PSMA3: variants seen among roughly 807,000 people sequenced by gnomAD.
PSMA3 encodes proteasome subunit alpha type-3.
PSMA3 carries 8 observed loss-of-function variants against 40.0 expected under a neutral mutation model. The ratio of observed to expected loss-of-function variants is 0.20; its 90% CI spans 0.12 to 0.36. The LOEUF (loss-of-function observed/expected upper bound fraction) is 0.36, where lower values mean the gene tolerates loss of function less well. PSMA3 is among the 10% of genes least tolerant of loss of function. The pLI, the probability that PSMA3 is intolerant of heterozygous loss-of-function variation, is 1.00. For synonymous variants in PSMA3, 110 were observed against 100.0 expected, an observed-to-expected ratio of 1.10 and a Z score of -0.59; for missense variants, 219 against 310.6, an observed-to-expected ratio of 0.70 and a Z score of 2.22.
chr14:58,245,013 A>C, intron 1 of PSMA3, 72 bp downstream of exon 1: 3 of 1,606,918 alleles, frequency 1.9e-6, no homozygotes, highest in Admixed American at 1.7e-5. Flanking sequence ...GACAGACCAC[A>C]TGGGGTTCGC....
intron 7 of PSMA3, chr14:58,266,026 C>G (rs1300642196): frequency 6.6e-6 from 1 of 152,152 alleles, no homozygotes; most frequent in African/African-American, 2.4e-5. Context: ...ATCAAACTGC[C>G]TAAGCAGTTT....
intron 3 of PSMA3, among the ~76,000 whole-genome samples, chr14:58,257,292 TCAAGACCGTC>T (rs1379716687): frequency 6.6e-6 from 1 of 151,646 alleles, no homozygotes; most frequent in African/African-American, 2.4e-5. Flanking sequence ...GGTCAGGAGA[TCAAGACCGTC>T]CTGGCTGACA....
intron 1 of PSMA3, among the ~76,000 whole-genome samples, chr14:58,245,775 T>C (rs1453639014): frequency 6.6e-6 from 1 of 152,160 alleles, no homozygotes; most frequent in East Asian, 1.9e-4. Flanking sequence ...GAATAATGAG[T>C]TTCTCAGTTC....
At chr14:58,252,566 CAAAGT>C (rs140782017) in intron 3 of PSMA3, among the ~76,000 whole-genome samples, 4,169 of 152,066 alleles carry the variant, frequency 0.027, 76 homozygotes, top group South Asian at 0.064. Context: ...GGATCACTGT[CAAAGT>C]AAAGATGCCA....
At chr14:58,267,415 G>A in intron 7 of PSMA3, 59 bp from the exon 8 acceptor site, 1 of 1,405,810 alleles carries the variant, frequency 7.1e-7, no homozygotes, top group Non-Finnish European at 9.3e-7. Context: ...AGTGAAAATA[G>A]TTATTACACA....
rs992436481 is a variant in PSMA3 at position 58,263,589 on chromosome 14, ACTTG to A, written c.478-112_478-109del. ...AATGTGTTTGACTATATTTTTCTAT[ACTTG>A]CTTTTAAAAGTCATTTAGCATCCTT... On this transcript the variant is annotated intron_variant, in intron 6 of 10. Coordinates refer to ENST00000216455, the MANE Select transcript of PSMA3 (RefSeq NM_002788.4). 25 of 767,708 alleles carry A rather than the reference ACTTG, an allele frequency of 3.3e-5. No individual in the cohort carries two copies. The African/African-American group carries it at 3.4e-4, about 10-fold the overall frequency. The allele number at this position is 767,708 out of a possible 1,614,324, so 47.6% of individuals were successfully genotyped here.
rs571013841 is a variant in PSMA3 at position 58,262,461 on chromosome 14, C to A, written c.478-1244C>A. The stretch of plus-strand genomic sequence containing the variant: ...TCTCAAGTAATCCGCCCACCTTGGT[C>A]TCCCAAAATGCTGGGATTATAGGTG... On this transcript the variant is annotated intron_variant, in intron 6 of 10. Coordinates refer to ENST00000216455, the MANE Select transcript of PSMA3 (RefSeq NM_002788.4). Among the ~76,000 whole-genome samples the A allele has an allele frequency of 2.1e-4, 32 of 152,190 alleles. No individual in the cohort carries two copies. The South Asian group carries it at 4.3e-3, about 21-fold the overall frequency.
In PSMA3 at chr14:58,252,136, G is replaced by A; in HGVS notation, c.122G>A (p.Arg41Lys). 6.2e-7 allele frequency: 1 copy of A among 1,611,402 alleles called. No individual in the cohort carries two copies. The highest frequency in any genetic ancestry group is 8.5e-7 in the Non-Finnish European group (1 of 1,179,150). The change falls in exon 3 of 11, where the codon AGA (arginine) becomes AAA (lysine). Residue 41 changes from arginine to lysine, a missense_variant. Coordinates refer to ENST00000216455, the MANE Select transcript of PSMA3 (RefSeq NM_002788.4). ...VENSSTAIGI[R>K]CKDGVVFGVE... ...TGTTTCAGTACAGCTATTGGAATCA[G>A]ATGCAAAGATGGTGTTGTCTTTGGG...
chr14:58,260,298 A>G (rs1890245315), intron 5 of PSMA3, among the ~76,000 whole-genome samples: 1 of 152,336 alleles, frequency 6.6e-6, no homozygotes, highest in African/African-American at 2.4e-5. Flanking sequence ...TAGCTGTTAC[A>G]CTGTATTGTT....
At chr14:58,253,883 C>G (rs374505954) in intron 3 of PSMA3, among the ~76,000 whole-genome samples, 1 of 152,176 alleles carries the variant, frequency 6.6e-6, no homozygotes, top group East Asian at 1.9e-4. Flanking sequence ...CGTGAGCCAG[C>G]GTGCCCAGCC....
intron 6 of PSMA3, among the ~76,000 whole-genome samples, chr14:58,263,360 C>T (rs1555352849): frequency 1.3e-5 from 2 of 152,104 alleles, no homozygotes; most frequent in Non-Finnish European, 2.9e-5. Flanking sequence ...TAGGAATTAA[C>T]TTTATTTCTG....
intron 3 of PSMA3, among the ~76,000 whole-genome samples, chr14:58,253,680 G>T (rs963014794): frequency 6.6e-6 from 1 of 152,136 alleles, no homozygotes; most frequent in African/African-American, 2.4e-5. Flanking sequence ...TGCAACCTCT[G>T]CCTCCCGGGT....
chr14:58,264,570 A>G (rs1890379569), intron 7 of PSMA3: 1 of 152,130 alleles, frequency 6.6e-6, no homozygotes, highest in African/African-American at 2.4e-5. Context: ...GAAGTGAGAT[A>G]CAATTTCACA....
chr14:58,249,345 A>T (rs1019282726), intron 2 of PSMA3, among the ~76,000 whole-genome samples: 110 of 152,256 alleles, frequency 7.2e-4, no homozygotes, highest in African/African-American at 2.5e-3. Context: ...TATTTTAAAA[A>T]AAAATGTTTA....
At chr14:58,259,512 G>A (rs771001936) in intron 5 of PSMA3, among the ~76,000 whole-genome samples, 7 of 151,870 alleles carry the variant, frequency 4.6e-5, no homozygotes, top group Admixed American at 2.0e-4. Flanking sequence ...TCAGGGTTTC[G>A]CCATGTTGGC....
intron 10 of PSMA3, 63 bp downstream of exon 10, chr14:58,271,061 G>GT: frequency 3.2e-6 from 4 of 1,256,570 alleles, no homozygotes; most frequent in Non-Finnish European, 3.4e-6. Flanking sequence ...TAGCCCAGGA[G>GT]TTTGAGACCA....
chr14:58,267,385 GT>G, intron 7 of PSMA3, 88 bp from the exon 8 acceptor site: 1 of 1,332,400 alleles, frequency 7.5e-7, no homozygotes. Context: ...ATTTTCCTTG[GT>G]TTTATATCTG....
At chr14:58,263,913 T>G in intron 7 of PSMA3, 143 bp downstream of exon 7, 1 of 666,444 alleles carries the variant, frequency 1.5e-6, no homozygotes, top group Non-Finnish European at 2.6e-6. Context: ...ACACTAATGA[T>G]AGCTGATGAG....
At chr14:58,249,640 G>A (rs747836848) in intron 2 of PSMA3, among the ~76,000 whole-genome samples, 72 of 152,100 alleles carry the variant, frequency 4.7e-4, no homozygotes, top group Middle Eastern at 6.8e-3. Flanking sequence ...AGCCCCACAA[G>A]GTAGTTGGGA....
Sources: gnomAD v4.1 joint callset for allele counts (sites outside exome capture counted in the v4.1 genomes callset) on GRCh38, gnomAD v4.1.1 for gene constraint, MANE v1.5 for transcripts, NCBI Gene and HGNC (gene_info 2026-07-23, HGNC 2026-07-21) for gene names.